The following MARCHF4 variants were observed in gnomAD, a reference collection of about 807,000 sequenced individuals.
MARCHF4 encodes the protein membrane associated ring-CH-type finger 4, also known as E3 ubiquitin-protein ligase MARCHF4.
In MARCHF4, 14 loss-of-function variants were observed where a neutral mutation model predicts 43.9. The ratio of observed to expected loss-of-function variants is 0.32; its 90% confidence interval spans 0.21 to 0.50. The LOEUF (loss-of-function observed/expected upper bound fraction) is 0.50. Ranked by LOEUF, MARCHF4 falls within the 20% of genes least tolerant of loss-of-function variation. The probability of loss-of-function intolerance (pLI) is 0.98; values close to 1 mark genes in which losing one functional copy is unlikely to be tolerated. For synonymous variants in MARCHF4, 226 were observed against 213.3 expected (o/e 1.06, Z -0.52); for missense variants, 468 against 536.7 (o/e 0.87, Z 1.27).
At chr2:216,302,512 G>A (rs1691507639) in intron 1 of MARCHF4, among the ~76,000 whole-genome samples, 1 of 151,894 alleles carries the variant, frequency 6.6e-6, no homozygotes, top group African/African-American at 2.4e-5. Context: ...ACAGGCATGA[G>A]CCACTGCGCC....
chr2:216,258,507 GGTGTGTGTGTGTGTGTGTGTGT>G lies in MARCHF4; in HGVS notation c.*783_*804del. 6.9e-6 allele frequency: 1 copy of G among 145,250 alleles called. No homozygotes were observed. The highest frequency in any genetic ancestry group is 2.2e-4 in the South Asian group (1 of 4,456). 9.0% of individuals were successfully genotyped at this position (145,250 alleles called of 1,614,324 possible). A position where few individuals can be genotyped will look rare whatever the true frequency, so the allele number is the denominator to read the frequency against. ...CTGGAAATCTGTACTTTTCTCTAGG[GGTGTGTGTGTGTGTGTGTGTGT>G]GTGTGTGTGTGTGTGTCCTGTAAAC... On this transcript the variant is annotated 3_prime_UTR_variant, in exon 4 of 4. Transcript: ENST00000273067.
chr2:216,351,405 C>T (rs1692403030), intron 1 of MARCHF4: 1 of 152,566 alleles, frequency 6.6e-6, no homozygotes, highest in South Asian at 2.1e-4. Context: ...AGAAGCTTGG[C>T]TGGTCCAAGT....
At chr2:216,289,839 G>A (rs1480752190) in intron 1 of MARCHF4, among the ~76,000 whole-genome samples, 7 of 152,228 alleles carry the variant, frequency 4.6e-5, no homozygotes, top group Non-Finnish European at 8.8e-5. Flanking sequence ...GCCTTGGGGT[G>A]CAGTTTAGGG....
At chr2:216,293,427 C>T (rs923578235) in intron 1 of MARCHF4, among the ~76,000 whole-genome samples, 1 of 152,204 alleles carries the variant, frequency 6.6e-6, no homozygotes, top group African/African-American at 2.4e-5. Flanking sequence ...TAGTTATCTA[C>T]ACTAAATCCA....
intron 1 of MARCHF4, among the ~76,000 whole-genome samples, chr2:216,346,530 G>A (rs763839681): frequency 2.0e-5 from 3 of 152,180 alleles, no homozygotes; most frequent in East Asian, 1.9e-4. Context: ...TGGAGTGAGC[G>A]CTGTGATCAC....
rs1692760329 is a variant in MARCHF4 at position 216,371,356 on chromosome 2, G to A, written c.-1096C>T. On this transcript the variant is annotated 5_prime_UTR_variant, in exon 1 of 4. Coordinates refer to ENST00000273067, the MANE Select transcript of MARCHF4 (RefSeq NM_020814.3). ...TTCCATCAAAGGTCCCTTCGGTCGA[G>A]GGGCAAGAGCCGAGAGAAGGGCAGG... 1 of 152,800 alleles carries A rather than the reference G, an allele frequency of 6.5e-6. No individual in the cohort carries two copies. The highest frequency in any genetic ancestry group is 1.5e-5 in the Non-Finnish European group (1 of 68,156). 9.5% of individuals were successfully genotyped at this position (152,800 alleles called of 1,614,324 possible).
At chr2:216,266,571 C>T (rs986065305) in intron 3 of MARCHF4, among the ~76,000 whole-genome samples, 2 of 152,136 alleles carry the variant, frequency 1.3e-5, no homozygotes, top group Non-Finnish European at 2.9e-5. Context: ...CATACTGGTG[C>T]CTCCTCTCCA....
intron 3 of MARCHF4, among the ~76,000 whole-genome samples, chr2:216,267,578 T>G (rs1368954026): frequency 6.6e-6 from 1 of 152,168 alleles, no homozygotes; most frequent in Non-Finnish European, 1.5e-5. Context: ...GGGGCTTATT[T>G]TTTTCTATCT....
intron 1 of MARCHF4, among the ~76,000 whole-genome samples, chr2:216,310,175 C>T (rs1470900403): frequency 1.3e-5 from 2 of 152,248 alleles, no homozygotes; most frequent in East Asian, 3.8e-4. Context: ...CAAGTGGTCA[C>T]CTAGCCTTGA....
chr2:216,316,089 G>A (rs1406471760), intron 1 of MARCHF4, among the ~76,000 whole-genome samples: 1 of 152,212 alleles, frequency 6.6e-6, no homozygotes, highest in Non-Finnish European at 1.5e-5. Context: ...GGGAAACAAA[G>A]CCCTTTGCTG....
At chr2:216,282,632 C>G (rs1214793045) in intron 2 of MARCHF4, among the ~76,000 whole-genome samples, 3 of 152,198 alleles carry the variant, frequency 2.0e-5, no homozygotes, top group Non-Finnish European at 4.4e-5. Flanking sequence ...TATGTGTGTG[C>G]TCCTCAAAGG....
chr2:216,305,928 A>T (rs1273902810), intron 1 of MARCHF4, among the ~76,000 whole-genome samples: 3 of 152,148 alleles, frequency 2.0e-5, no homozygotes, highest in East Asian at 1.9e-4. Context: ...TAATCTAAAC[A>T]TTCTCTGTTC....
chr2:216,279,471 G>T (rs1691089121), intron 2 of MARCHF4, among the ~76,000 whole-genome samples: 1 of 152,204 alleles, frequency 6.6e-6, no homozygotes, highest in South Asian at 2.1e-4. Flanking sequence ...ATTTGGGAAG[G>T]TAGGGGGAGG....
intron 1 of MARCHF4, among the ~76,000 whole-genome samples, chr2:216,352,077 G>A (rs1396200273): frequency 6.6e-6 from 1 of 152,168 alleles, no homozygotes; most frequent in African/African-American, 2.4e-5. Flanking sequence ...TAAAAGATCT[G>A]GAATGAAAGT....
At chr2:216,322,776 C>G (rs183617816) in intron 1 of MARCHF4, among the ~76,000 whole-genome samples, 2 of 152,250 alleles carry the variant, frequency 1.3e-5, no homozygotes, top group East Asian at 3.9e-4. Context: ...GAGCCAAGAT[C>G]CTGCCATTGC....
chr2:216,333,485 T>C (rs1337634299), intron 1 of MARCHF4, among the ~76,000 whole-genome samples: 1 of 152,082 alleles, frequency 6.6e-6, no homozygotes, highest in African/African-American at 2.4e-5. Flanking sequence ...TGATGGAAAA[T>C]ACCATTGTTG....
At chr2:216,354,906 T>TCTTTCTTC (rs1559106511) in intron 1 of MARCHF4, among the ~76,000 whole-genome samples, 2 of 69,422 alleles carry the variant, frequency 2.9e-5, no homozygotes, top group East Asian at 4.3e-4. Context: ...TTTCTTTCTT[T>TCTTTCTTC]CTTTCTTTCT....
intron 1 of MARCHF4, among the ~76,000 whole-genome samples, chr2:216,292,901 GA>G (rs1372411829): frequency 2.6e-5 from 4 of 152,212 alleles, no homozygotes; most frequent in African/African-American, 9.6e-5. Flanking sequence ...TCAGGATCAA[GA>G]AAAATGACCT....
At chr2:216,274,872 T>C (rs761569105) in intron 3 of MARCHF4, among the ~76,000 whole-genome samples, 4 of 146,116 alleles carry the variant, frequency 2.7e-5, no homozygotes, top group Non-Finnish European at 4.5e-5. Flanking sequence ...GTATAGGTTC[T>C]TATTATAATC....
Sources: gnomAD v4.1 joint callset for allele counts (sites outside exome capture counted in the v4.1 genomes callset) on GRCh38, gnomAD v4.1.1 for gene constraint, MANE v1.5 for transcripts, NCBI Gene and HGNC (gene_info 2026-07-23, HGNC 2026-07-21) for gene names.